Variants in RCAN2 observed in about 807,000 individuals in gnomAD.
The protein encoded by RCAN2 is calcipressin-2.
RCAN2 carries 9 observed loss-of-function variants against 23.6 expected under a neutral mutation model. The observed-to-expected ratio is 0.38, with a 90% CI of 0.23 to 0.67. RCAN2 has a LOEUF of 0.67. RCAN2 is among the 30% of genes least tolerant of loss of function. The pLI is 0.51. For missense variants in RCAN2, 273 were observed against 302.3 expected (o/e 0.90, Z 0.72); for synonymous variants, 109 against 115.7 (o/e 0.94, Z 0.37).
chr6:46,251,497 C>T (rs6910158), intron 2 of RCAN2, among the ~76,000 whole-genome samples: 119,516 of 152,024 alleles, frequency 0.79, 47,255 homozygotes, highest in Non-Finnish European at 0.81. Context: ...GGTATGTTTT[C>T]CCATTTCCAG....
chr6:46,409,038 T>A (rs1275187202), intron 2 of RCAN2, among the ~76,000 whole-genome samples: 3 of 152,146 alleles, frequency 2.0e-5, no homozygotes, highest in Non-Finnish European at 4.4e-5. Flanking sequence ...CTAAGATGTG[T>A]TTTTAAATTA....
chr6:46,468,751 C>G (rs1768464939), intron 1 of RCAN2: 1 of 927,456 alleles, frequency 1.1e-6, no homozygotes, highest in African/African-American at 1.8e-5. Flanking sequence ...TCTCTTCTCT[C>G]TCCCCACTCT....
chr6:46,469,939 C>G (rs1456369860), intron 1 of RCAN2, among the ~76,000 whole-genome samples: 1 of 152,168 alleles, frequency 6.6e-6, no homozygotes, highest in Non-Finnish European at 1.5e-5. Flanking sequence ...AAGGCACCAT[C>G]TTGCAAGCAG....
In RCAN2 at chr6:46,458,896, C is replaced by CGTGCGCGTGT. The variant is rs1554142880; in HGVS notation, c.-2-1919_-2-1918insACACGCGCAC. Among the ~76,000 whole-genome samples the CGTGCGCGTGT allele has an allele frequency of 1.7e-3, 253 of 150,134 alleles. 1 individual carries two copies. Among genetic ancestry groups the CGTGCGCGTGT allele is most frequent in the African/African-American group, 5.9e-3 (240 of 40,404 alleles). On this transcript the variant is annotated intron_variant, in intron 1 of 4. Coordinates refer to ENST00000371374, the MANE Select transcript of RCAN2 (RefSeq NM_001251974.2). The stretch of plus-strand genomic sequence containing the variant: ...TAGTTTACAGGAAAACGCGCGCGCA[C>CGTGCGCGTGT]GTGTGTGTGTGTGTGATGGAGTTTT...
chr6:46,470,791 A>G (rs1181607807), intron 1 of RCAN2, among the ~76,000 whole-genome samples: 1 of 152,266 alleles, frequency 6.6e-6, no homozygotes, highest in East Asian at 1.9e-4. Flanking sequence ...AGTCTTAAAA[A>G]GAAAGCAAGT....
At chr6:46,308,925 A>G (rs1180197046) in intron 2 of RCAN2, among the ~76,000 whole-genome samples, 1 of 152,164 alleles carries the variant, frequency 6.6e-6, no homozygotes, top group Admixed American at 6.5e-5. Flanking sequence ...GGAGATGGTT[A>G]CATAAAATAG....
chr6:46,427,215 C>T (rs1767055260), intron 2 of RCAN2, among the ~76,000 whole-genome samples: 1 of 152,040 alleles, frequency 6.6e-6, no homozygotes, highest in Non-Finnish European at 1.5e-5. Context: ...CAGTTAATAC[C>T]TTAAAAACCA....
chr6:46,419,110 C>T (rs1010755777), intron 2 of RCAN2, among the ~76,000 whole-genome samples: 4 of 152,178 alleles, frequency 2.6e-5, no homozygotes, highest in Admixed American at 2.0e-4. Context: ...GGTGAAAATA[C>T]GACGTAATAG....
chr6:46,404,304 T>C (rs1766339303), intron 2 of RCAN2, among the ~76,000 whole-genome samples: 1 of 152,216 alleles, frequency 6.6e-6, no homozygotes, highest in South Asian at 2.1e-4. Flanking sequence ...AATTAATCTT[T>C]ACAATTTTAT....
chr6:46,461,375 A>G (rs1276570919), intron 1 of RCAN2, among the ~76,000 whole-genome samples: 3 of 152,198 alleles, frequency 2.0e-5, no homozygotes, highest in Admixed American at 1.3e-4. Context: ...TTTGGAAAGC[A>G]TAAGTTTCCA....
At chr6:46,366,108 A>G (rs1765164719) in intron 2 of RCAN2, among the ~76,000 whole-genome samples, 1 of 152,188 alleles carries the variant, frequency 6.6e-6, no homozygotes, top group African/African-American at 2.4e-5. Context: ...GATTGTAACT[A>G]CTATTTCCTA....
chr6:46,420,848 G>T (rs1358827848), intron 2 of RCAN2, among the ~76,000 whole-genome samples: 3 of 152,068 alleles, frequency 2.0e-5, no homozygotes. Context: ...CACCCAGCCT[G>T]ATCAACTATT....
In RCAN2 at chr6:46,299,123, G is replaced by A. The variant is rs143164442; in HGVS notation, c.226-50227C>T. Among the ~76,000 whole-genome samples the A allele has an allele frequency of 3.7e-3, 568 of 152,054 alleles. 3 individuals are homozygous for A. Among genetic ancestry groups the A allele is most frequent in the African/African-American group, 0.013 (534 of 41,496 alleles). The stretch of plus-strand genomic sequence containing the variant: ...GCTTGTGGGGGAAGAATAGGAGGGG[G>A]TTAGAAAGCTACCTATCCAGTACTA... On this transcript the variant is annotated intron_variant, in intron 2 of 4. Coordinates refer to ENST00000371374, the MANE Select transcript of RCAN2 (RefSeq NM_001251974.2).
In RCAN2 at chr6:46,406,289, AGCGAGGGCTCTGAGGAGT is replaced by A. The variant is rs2150405649; in HGVS notation, c.225+50445_225+50462del. ...CCAGGCAGAGGAGGCGCCGAGAGCA[AGCGAGGGCTCTGAGGAGT>A]GCCAGCACGCTGTCACCTCTCAAAA... On this transcript the variant is annotated intron_variant, in intron 2 of 4. Coordinates refer to ENST00000371374, the MANE Select transcript of RCAN2 (RefSeq NM_001251974.2). Among the ~76,000 whole-genome samples the A allele has an allele frequency of 1.3e-5, 2 of 152,336 alleles. 1 individual carries two copies. Among genetic ancestry groups the A allele is most frequent in the African/African-American group, 4.8e-5 (2 of 41,592 alleles).
intron 2 of RCAN2, among the ~76,000 whole-genome samples, chr6:46,273,254 T>A (rs941438794): frequency 1.5e-4 from 23 of 152,206 alleles, no homozygotes; most frequent in Non-Finnish European, 2.4e-4. Context: ...TTTCTGACAT[T>A]TAGTCTTGCT....
chr6:46,322,939 C>A (rs951269116), intron 2 of RCAN2, among the ~76,000 whole-genome samples: 1 of 152,156 alleles, frequency 6.6e-6, no homozygotes, highest in Non-Finnish European at 1.5e-5. Context: ...ACATTTGGCC[C>A]ACCTTAATTT....
intron 4 of RCAN2, among the ~76,000 whole-genome samples, chr6:46,229,605 G>A (rs970181303): frequency 3.9e-5 from 6 of 152,152 alleles, no homozygotes; most frequent in African/African-American, 1.4e-4. Context: ...CTCTTGCCAT[G>A]GTTTTCAGCT....
chr6:46,369,661 C>G (rs375621106), intron 2 of RCAN2, among the ~76,000 whole-genome samples: 23 of 152,150 alleles, frequency 1.5e-4, no homozygotes, highest in Admixed American at 1.0e-3. Flanking sequence ...TGCAATTTCA[C>G]GTATATGTTT....
intron 1 of RCAN2, among the ~76,000 whole-genome samples, chr6:46,462,749 G>T (rs1319890960): frequency 6.6e-6 from 1 of 152,140 alleles, no homozygotes; most frequent in Admixed American, 6.5e-5. Context: ...GATTAAACCC[G>T]GAGGAAGAGA....
Sources: allele counts gnomAD v4.1 joint callset (sites outside exome capture counted in the v4.1 genomes callset), GRCh38; gene constraint gnomAD v4.1.1; transcripts MANE v1.5; gene names NCBI Gene and HGNC (gene_info 2026-07-23, HGNC 2026-07-21).